The following CORO2A variants were observed in gnomAD, a reference collection of about 807,000 sequenced individuals.
CORO2A encodes coronin 2A, also known as coronin-2A.
A neutral mutation model predicts 62.4 loss-of-function variants in CORO2A; 47 were observed. The ratio of observed to expected loss-of-function variants is 0.75; its 90% CI spans 0.60 to 0.96. The LOEUF (loss-of-function observed/expected upper bound fraction) is 0.96, where lower values mean the gene tolerates loss of function less well. Ranked by LOEUF, CORO2A falls within the 40% of genes least tolerant of loss-of-function variation. The probability of loss-of-function intolerance (pLI) is 0.00; values close to 1 mark genes in which losing one functional copy is unlikely to be tolerated. For missense variants in CORO2A, 610 were observed against 684.1 expected (o/e 0.89, Z 1.21); for synonymous variants, 273 against 268.9 (o/e 1.02, Z -0.15).
At chr9:98,157,903 AG>A (rs1460738774) in intron 1 of CORO2A, among the ~76,000 whole-genome samples, 7 of 152,194 alleles carry the variant, frequency 4.6e-5, no homozygotes, top group African/African-American at 1.4e-4. Context: ...TGATGTGTTA[AG>A]GCTTTTCATC....
In CORO2A at chr9:98,157,558, C is replaced by T. The variant is rs369350824; in HGVS notation, c.103G>A (p.Val35Ile). 5.0e-5 allele frequency: 81 copies of T among 1,614,038 alleles called. No homozygotes were observed. Among genetic ancestry groups the T allele is most frequent in the Admixed American group, 2.8e-4 (17 of 60,000 alleles). Residue 35 changes from valine (V) to isoleucine (I), a missense_variant, in exon 2 of 12, where the codon GTT (valine) becomes ATT (isoleucine). Transcript: ENST00000375077. ...ACGGCACAGAAGTGGTTGTCGTGAA[C>T]GCTGCGGGTGATAGGCACGGAGTCG... ...CYDSVPITRS[V>I]HDNHFCAVNP...
chr9:98,177,868 T>C (rs1016095100), intron 1 of CORO2A, among the ~76,000 whole-genome samples: 1 of 152,150 alleles, frequency 6.6e-6, no homozygotes, highest in East Asian at 1.9e-4. Flanking sequence ...AGAGTGACTG[T>C]AAATATCTAT....
At chr9:98,177,063 C>T (rs1186621152) in intron 1 of CORO2A, among the ~76,000 whole-genome samples, 1 of 152,164 alleles carries the variant, frequency 6.6e-6, no homozygotes, top group East Asian at 1.9e-4. Flanking sequence ...TAATTGTGAG[C>T]TCAAGGGTCA....
chr9:98,138,891 C>CA (rs1195060778), intron 2 of CORO2A, among the ~76,000 whole-genome samples: 2 of 151,776 alleles, frequency 1.3e-5, no homozygotes, highest in East Asian at 1.9e-4. Flanking sequence ...TACTAAAATA[C>CA]AAAAAATTAG....
intron 1 of CORO2A, among the ~76,000 whole-genome samples, chr9:98,163,741 T>TGTGTATGTGTGTGTGTGA (rs1253283361): frequency 7.2e-6 from 1 of 139,544 alleles, no homozygotes; most frequent in African/African-American, 2.8e-5. Context: ...TGTGTGTGTG[T>TGTGTATGTGTGTGTGTGA]GAGAGAGAGA....
rs1192761327 is a variant in CORO2A at position 98,124,869 on chromosome 9, G to A, written c.1483C>T (p.Arg495Ter). ...TGGGTCAACAGCTCCCGGAGCCTTC[G>A]GATCTCCTCCTGTTGCCGGTAGAAC... ...QMFYRQQEEI[R>*]RLRELLTQRE... is the part of the protein sequence containing the mutation. The change falls in exon 12 of 12, where the codon CGA becomes TGA. Residue 495 changes from arginine (R) to a stop codon, truncating the protein, a stop_gained. Coordinates refer to ENST00000375077, the MANE Select transcript of CORO2A (RefSeq NM_052820.4). LOFTEE classifies it high-confidence loss of function. 8.2e-6 allele frequency: 13 copies of A among 1,584,964 alleles called. No individual in the cohort carries two copies. The highest frequency in any genetic ancestry group is 1.7e-4 in the Middle Eastern group (1 of 6,034).
intron 1 of CORO2A, among the ~76,000 whole-genome samples, chr9:98,158,465 T>C (rs1422447577): frequency 6.6e-6 from 1 of 152,142 alleles, no homozygotes; most frequent in Non-Finnish European, 1.5e-5. Context: ...TCCAGCCTTA[T>C]ATTTGTTCAC....
chr9:98,162,293 C>G (rs1229317268), intron 1 of CORO2A, among the ~76,000 whole-genome samples: 1 of 152,176 alleles, frequency 6.6e-6, no homozygotes, highest in East Asian at 1.9e-4. Flanking sequence ...ACCTCTGTCC[C>G]TAAGAGGAAC....
At chr9:98,163,730 A>ATGTG (rs368890494) in intron 1 of CORO2A, among the ~76,000 whole-genome samples, 14,185 of 134,970 alleles carry the variant, frequency 0.11, 648 homozygotes, top group Middle Eastern at 0.13. Context: ...GTGTGTGTGT[A>ATGTG]TGTGTGTGTG....
rs373104710 is a variant in CORO2A, at chr9:98,131,012, C to T, written c.813G>A (p.Ser271=). The T allele has an allele frequency of 2.7e-5, 43 of 1,613,732 alleles. No homozygotes were observed. The highest frequency in any genetic ancestry group is 6.7e-5 in the Admixed American group (4 of 59,968). Reference sequence around the variant, plus strand: ...CGTCATAGAAGGGAAACAGCACGCCCGAGGAGCCGTCCAGGTCCTCCTCCA... The same window carrying T: ...CGTCATAGAAGGGAAACAGCACGCCTGAGGAGCCGTCCAGGTCCTCCTCCA... The part of the protein sequence containing the change: ...PLMEEDLDGS[S]GVLFPFYDAD... The change falls in exon 7 of 12, where the codon TCG becomes TCA. Residue 271 remains serine, a synonymous_variant. Transcript: ENST00000375077.
chr9:98,144,221 A>C (rs1437308405), intron 2 of CORO2A, among the ~76,000 whole-genome samples: 1 of 152,112 alleles, frequency 6.6e-6, no homozygotes, highest in Admixed American at 6.6e-5. Flanking sequence ...TTTCTTTAGA[A>C]ACCATAATCT....
chr9:98,130,169 C>T (rs1486212550), intron 7 of CORO2A, among the ~76,000 whole-genome samples: 1 of 152,190 alleles, frequency 6.6e-6, no homozygotes, highest in African/African-American at 2.4e-5. Flanking sequence ...TCATTGCAAC[C>T]TCCTGGTCTC....
Position 98,130,961 on chromosome 9 carries a change from C to T in CORO2A, c.864G>A (p.Val288=). Residue 288 remains valine (V), a synonymous_variant, in exon 7 of 12, where the codon GTG becomes GTA. Transcript: ENST00000375077. The stretch of plus-strand genomic sequence containing the variant: ...CCTCCCGTGCCAAGCCGACCTTCCC[C>T]ACCACGTAGAGCATGCTGGTGTCCG... ...YDADTSMLYV[V]GKGDGNIRYY... The T allele has an allele frequency of 5.0e-6, 8 of 1,613,476 alleles. No individual in the cohort carries two copies. Among genetic ancestry groups the T allele is most frequent in the Non-Finnish European group, 5.9e-6 (7 of 1,179,718 alleles).
intron 1 of CORO2A, among the ~76,000 whole-genome samples, chr9:98,161,346 G>A (rs367547963): frequency 7.9e-5 from 12 of 152,220 alleles, no homozygotes; most frequent in African/African-American, 2.9e-4. Flanking sequence ...TTGAGGTCAG[G>A]AGTTCGAGAC....
At chr9:98,182,883 T>A (rs1040783139) in intron 1 of CORO2A, among the ~76,000 whole-genome samples, 1 of 152,262 alleles carries the variant, frequency 6.6e-6, no homozygotes, top group Non-Finnish European at 1.5e-5. Flanking sequence ...TTGCTTTTTC[T>A]TTCTTAATGG....
intron 1 of CORO2A, among the ~76,000 whole-genome samples, chr9:98,186,425 G>A (rs1406871248): frequency 6.6e-6 from 1 of 152,106 alleles, no homozygotes. Context: ...GTATGATCCT[G>A]GGCTAGCTAC....
chr9:98,146,225 C>G (rs989454946), intron 2 of CORO2A, among the ~76,000 whole-genome samples: 1 of 152,194 alleles, frequency 6.6e-6, no homozygotes, highest in South Asian at 2.1e-4. Flanking sequence ...TTCTTCACCC[C>G]CTCCCTGGAG....
intron 1 of CORO2A, chr9:98,172,566 C>T (rs1240561618): frequency 1.3e-5 from 2 of 152,344 alleles, no homozygotes; most frequent in Admixed American, 6.5e-5. Context: ...CCACACCCCA[C>T]TTCTGAGCTC....
intron 2 of CORO2A, among the ~76,000 whole-genome samples, chr9:98,152,126 GT>G (rs3055383): frequency 1.8e-4 from 26 of 142,066 alleles, no homozygotes; most frequent in South Asian, 4.4e-4. Context: ...CTCTTTTGCT[GT>G]TTTTTTTTTT....
Sources: allele counts gnomAD v4.1 joint callset (sites outside exome capture counted in the v4.1 genomes callset), GRCh38; gene constraint gnomAD v4.1.1; transcripts MANE v1.5; gene names NCBI Gene and HGNC (gene_info 2026-07-23, HGNC 2026-07-21).